KCNMB4: variants seen among roughly 807,000 people sequenced by gnomAD.
The protein encoded by KCNMB4 is potassium calcium-activated channel subfamily M regulatory beta subunit 4.
Under a neutral mutation model 20.7 loss-of-function variants are expected in KCNMB4, and 3 were observed. The observed-to-expected ratio is 0.14, with a 90% CI of 0.07 to 0.37. The LOEUF (loss-of-function observed/expected upper bound fraction) is 0.37. KCNMB4 is among the 10% of genes least tolerant of loss of function. The pLI is 1.00. For synonymous variants in KCNMB4, 110 were observed against 113.4 expected, an observed-to-expected ratio of 0.97 and a Z score of 0.19; for missense variants, 168 against 265.9, an observed-to-expected ratio of 0.63 and a Z score of 2.56.
At chr12:70,430,370 A>G in intron 2 of KCNMB4, 115 bp from the exon 3 acceptor site, 1 of 1,073,334 alleles carries the variant, frequency 9.3e-7, no homozygotes, top group Admixed American at 2.1e-5. Context: ...GTCAGAGTGC[A>G]GCCTTTACTT....
chr12:70,425,448 A>G (rs576672148), intron 2 of KCNMB4, among the ~76,000 whole-genome samples: 26 of 152,074 alleles, frequency 1.7e-4, no homozygotes, highest in African/African-American at 6.0e-4. Context: ...AAAAAAACAA[A>G]AACAAAACAA....
chr12:70,371,970 C>CT (rs1883604307), intron 1 of KCNMB4, among the ~76,000 whole-genome samples: 1 of 152,140 alleles, frequency 6.6e-6, no homozygotes, highest in Non-Finnish European at 1.5e-5. Context: ...AAGGGCTCTT[C>CT]TTTTGGACAG....
chr12:70,382,381 G>A (rs527406125), intron 1 of KCNMB4, among the ~76,000 whole-genome samples: 12 of 147,562 alleles, frequency 8.1e-5, no homozygotes, highest in Non-Finnish European at 1.0e-4. Context: ...TGCAGTGAGC[G>A]GAGATCGCGC....
At chr12:70,372,593 C>T (rs766037500) in intron 1 of KCNMB4, among the ~76,000 whole-genome samples, 94 of 152,092 alleles carry the variant, frequency 6.2e-4, no homozygotes, top group Middle Eastern at 3.4e-3. Flanking sequence ...ACTGGGTGAA[C>T]GGAGGTGCTT....
At chr12:70,392,690 G>C (rs533871529) in intron 1 of KCNMB4, among the ~76,000 whole-genome samples, 1 of 152,140 alleles carries the variant, frequency 6.6e-6, no homozygotes, top group African/African-American at 2.4e-5. Context: ...CAGGGACATG[G>C]ATGAAGCTGG....
intron 1 of KCNMB4, among the ~76,000 whole-genome samples, chr12:70,379,238 T>A (rs1288060900): frequency 6.6e-6 from 1 of 152,220 alleles, no homozygotes; most frequent in Non-Finnish European, 1.5e-5. Flanking sequence ...AGAGTCAGCC[T>A]GTTCTTTGAA....
intron 1 of KCNMB4, among the ~76,000 whole-genome samples, chr12:70,369,382 C>T (rs1359163734): frequency 6.6e-6 from 1 of 152,148 alleles, no homozygotes; most frequent in East Asian, 1.9e-4. Flanking sequence ...TCCACAGTGT[C>T]CCTGCAATTA....
At chr12:70,429,846 C>CAAGATTTATT (rs1283353394) in intron 2 of KCNMB4, among the ~76,000 whole-genome samples, 3 of 151,970 alleles carry the variant, frequency 2.0e-5, no homozygotes, top group Non-Finnish European at 2.9e-5. Context: ...TAGGACTTTG[C>CAAGATTTATT]AAGATTTATT....
Position 70,401,201 on chromosome 12 carries a change from T to C in KCNMB4, c.464+865T>C, listed in dbSNP as rs377505123. Reference sequence around the variant, plus strand: ...CCACCACAGCTGGCTAATTCGTGTATTTTTAGTAGAGACAGGGTTTCACCA... The same window carrying C: ...CCACCACAGCTGGCTAATTCGTGTACTTTTAGTAGAGACAGGGTTTCACCA... On this transcript the variant is annotated intron_variant, in intron 2 of 2. Transcript: ENST00000258111. Among the ~76,000 whole-genome samples, 4 of 152,200 alleles carry C rather than the reference T, an allele frequency of 2.6e-5. No individual in the cohort carries two copies. The East Asian group carries it at 5.8e-4, about 22-fold the overall frequency.
chr12:70,403,282 G>C (rs1051521871), intron 2 of KCNMB4, among the ~76,000 whole-genome samples: 1 of 151,966 alleles, frequency 6.6e-6, no homozygotes, highest in Admixed American at 6.6e-5. Flanking sequence ...TCTCCCAGGA[G>C]CTTGCAAGGG....
At chr12:70,426,914 CT>C (rs1869230841) in intron 2 of KCNMB4, among the ~76,000 whole-genome samples, 1 of 152,156 alleles carries the variant, frequency 6.6e-6, no homozygotes, top group Non-Finnish European at 1.5e-5. Context: ...ATTTACTCTT[CT>C]TTTGTAGCCC....
chr12:70,403,530 C>T (rs1868514756), intron 2 of KCNMB4, among the ~76,000 whole-genome samples: 1 of 152,144 alleles, frequency 6.6e-6, no homozygotes, highest in African/African-American at 2.4e-5. Context: ...AACGGGGTTT[C>T]ACCATGTTAG....
intron 1 of KCNMB4, among the ~76,000 whole-genome samples, chr12:70,386,261 A>G (rs1054567427): frequency 1.3e-5 from 2 of 151,718 alleles, no homozygotes; most frequent in Admixed American, 6.6e-5. Flanking sequence ...AGATTACAAT[A>G]TATGTTTTTA....
intron 2 of KCNMB4, among the ~76,000 whole-genome samples, chr12:70,426,297 A>C (rs1869212950): frequency 6.6e-6 from 1 of 151,644 alleles, no homozygotes; most frequent in South Asian, 2.1e-4. Flanking sequence ...CCGTCTCAAA[A>C]AAAAAAAAAG....
At chr12:70,384,377 C>T (rs1020065031) in intron 1 of KCNMB4, among the ~76,000 whole-genome samples, 1 of 152,140 alleles carries the variant, frequency 6.6e-6, no homozygotes, top group African/African-American at 2.4e-5. Flanking sequence ...CTAAATATTA[C>T]AATGGAGAGG....
intron 1 of KCNMB4, 109 bp from the exon 2 acceptor site, chr12:70,400,099 AG>A: frequency 1.3e-6 from 1 of 783,792 alleles, no homozygotes; most frequent in Non-Finnish European, 1.9e-6. Flanking sequence ...AAAATTAGGG[AG>A]GCCTAAATTA....
At chr12:70,400,130 G>A in intron 1 of KCNMB4, 79 bp from the exon 2 acceptor site, 1 of 1,103,320 alleles carries the variant, frequency 9.1e-7, no homozygotes, top group Non-Finnish European at 1.2e-6. Context: ...TCTTTATAAT[G>A]CCATCTTTCT....
At chr12:70,373,878 C>T (rs995603206) in intron 1 of KCNMB4, among the ~76,000 whole-genome samples, 10 of 152,116 alleles carry the variant, frequency 6.6e-5, no homozygotes, top group African/African-American at 2.4e-4. Context: ...CCCAGCTACT[C>T]TGGAGGCTGA....
chr12:70,373,808 T>A (rs1374274254), intron 1 of KCNMB4, among the ~76,000 whole-genome samples: 3 of 152,064 alleles, frequency 2.0e-5, no homozygotes, highest in Non-Finnish European at 1.5e-5. Flanking sequence ...CGTAGTAAGA[T>A]CCCATCTCTT....
Sources: allele counts gnomAD v4.1 joint callset (sites outside exome capture counted in the v4.1 genomes callset), GRCh38; gene constraint gnomAD v4.1.1; transcripts MANE v1.5; gene names NCBI Gene and HGNC (gene_info 2026-07-23, HGNC 2026-07-21).